Variants in FBXO25 observed in about 807,000 individuals in gnomAD.
The protein encoded by FBXO25 is F-box protein 25, also known as F-box only protein 25.
FBXO25 carries 45 observed loss-of-function variants against 51.9 expected under a neutral mutation model. That is an observed-to-expected ratio of 0.87 (90% CI 0.68 to 1.11). The LOEUF is 1.11. Ranked by LOEUF, FBXO25 falls within the 50% of genes most tolerant of loss-of-function variation. The pLI is 0.00. For missense variants in FBXO25, 507 were observed against 428.5 expected, an observed-to-expected ratio of 1.18 and a Z score of -1.62; for synonymous variants, 199 against 151.0, an observed-to-expected ratio of 1.32 and a Z score of -2.33.
In FBXO25 at chr8:468,729, C is replaced by T; in HGVS notation, c.1002C>T (p.Pro334=). 6.2e-7 allele frequency: 1 copy of T among 1,614,020 alleles called. No homozygotes were observed. The highest frequency in any genetic ancestry group is 8.5e-7 in the Non-Finnish European group (1 of 1,179,988). ...CCTCCCCACAGGACTCAGGACACCC[C>T]TGCACGGCGGCCGACCCTGACAGCT... The part of the protein sequence containing the change: ...SILFWKDSGH[P]CTAADPDSCF... Residue 334 remains proline, a synonymous_variant, in exon 10 of 10, where the codon CCC becomes CCT. Transcript: ENST00000350302.
At chr8:438,858 C>A (rs1281944579) in intron 5 of FBXO25, among the ~76,000 whole-genome samples, 1 of 152,200 alleles carries the variant, frequency 6.6e-6, no homozygotes, top group East Asian at 1.9e-4. Context: ...CCCATCATGT[C>A]AGCAGCATTC....
At chr8:448,852 CTAAGA>C (rs1257088599) in intron 5 of FBXO25, among the ~76,000 whole-genome samples, 1 of 152,130 alleles carries the variant, frequency 6.6e-6, no homozygotes, top group Non-Finnish European at 1.5e-5. Context: ...AACTAACAGG[CTAAGA>C]TGTGTTGTAT....
intron 1 of FBXO25, among the ~76,000 whole-genome samples, chr8:409,113 T>C (rs1375257105): frequency 6.6e-6 from 1 of 152,186 alleles, no homozygotes; most frequent in Non-Finnish European, 1.5e-5. Flanking sequence ...AAGCCTCAGT[T>C]TGGGAGTATT....
chr8:407,646 C>G (rs1364936504), intron 1 of FBXO25, among the ~76,000 whole-genome samples: 2 of 152,126 alleles, frequency 1.3e-5, no homozygotes, highest in Non-Finnish European at 2.9e-5. Flanking sequence ...GGCGTTTGCC[C>G]TCCGGGCTCG....
At chr8:449,267 C>T (rs1798928066) in intron 5 of FBXO25, among the ~76,000 whole-genome samples, 1 of 152,204 alleles carries the variant, frequency 6.6e-6, no homozygotes, top group Non-Finnish European at 1.5e-5. Context: ...CTTTTTCCTG[C>T]CATGATGCAC....
rs576036928 is a variant in FBXO25 at position 461,000 on chromosome 8, G to T, written c.844-2007G>T. Among the ~76,000 whole-genome samples the T allele has an allele frequency of 2.0e-5, 3 of 152,306 alleles. No individual in the cohort carries two copies. The East Asian group carries it at 5.8e-4, about 29-fold the overall frequency. ...TGCTCATTGCAGCAACAGCCATAAA[G>T]ACTAGTACAGTGTTGTACAAACAAG... On this transcript the variant is annotated intron_variant, in intron 8 of 9. Transcript: ENST00000350302.
intron 2 of FBXO25, among the ~76,000 whole-genome samples, chr8:429,073 GATC>G (rs1360624006): frequency 6.6e-6 from 1 of 152,094 alleles, no homozygotes; most frequent in Non-Finnish European, 1.5e-5. Context: ...GGAATTGTTG[GATC>G]ATATGGTAAT....
chr8:415,126 G>A lies in FBXO25; in HGVS notation c.134+1913G>A, dbSNP rs576568696. Among the ~76,000 whole-genome samples the A allele has an allele frequency of 2.0e-5, 3 of 152,264 alleles. No homozygotes were observed. The East Asian group carries it at 5.8e-4, about 29-fold the overall frequency. On this transcript the variant is annotated intron_variant, in intron 2 of 9. Coordinates refer to ENST00000350302, the MANE Select transcript of FBXO25 (RefSeq NM_183420.2). ...TTCTCTTTCCCCCACATGTCTTTGA[G>A]AAACATAGTACTCCTAATTCTTTGA...
At chr8:418,090 G>A (rs1796918466) in intron 2 of FBXO25, among the ~76,000 whole-genome samples, 1 of 152,052 alleles carries the variant, frequency 6.6e-6, no homozygotes, top group Admixed American at 6.5e-5. Flanking sequence ...ACAAGGGGAG[G>A]GTTTCATCAT....
chr8:465,195 C>T (rs944077077), intron 9 of FBXO25, among the ~76,000 whole-genome samples: 3 of 116,236 alleles, frequency 2.6e-5, no homozygotes, highest in Non-Finnish European at 4.2e-5. Context: ...GGGAACAGGG[C>T]CCCCCTTCTG....
chr8:408,849 G>A (rs190528400), intron 1 of FBXO25, among the ~76,000 whole-genome samples: 262 of 152,202 alleles, frequency 1.7e-3, no homozygotes, highest in African/African-American at 6.1e-3. Context: ...CATAAAATGT[G>A]CTTAAAATTT....
Position 414,595 on chromosome 8 carries a change from G to C in FBXO25, c.134+1382G>C, listed in dbSNP as rs1223492261. Among the ~76,000 whole-genome samples the C allele has an allele frequency of 8.5e-5, 13 of 152,220 alleles. 1 individual carries two copies. Among genetic ancestry groups the C allele is most frequent in the African/African-American group, 1.9e-4 (8 of 41,526 alleles). On this transcript the variant is annotated intron_variant, in intron 2 of 9. Transcript: ENST00000350302. Reference sequence around the variant, plus strand: ...TCTCAAACACATTTTAAATGTCTGAGAATTGTTTTTTTTTCCGCTGCACAC... The same window carrying C: ...TCTCAAACACATTTTAAATGTCTGACAATTGTTTTTTTTTCCGCTGCACAC...
chr8:466,317 C>T (rs1800157685), intron 9 of FBXO25, among the ~76,000 whole-genome samples: 5 of 152,182 alleles, frequency 3.3e-5, no homozygotes, highest in South Asian at 2.1e-4. Flanking sequence ...GACCTGCCTC[C>T]GGGGTCTCCT....
intron 2 of FBXO25, among the ~76,000 whole-genome samples, chr8:429,546 A>G (rs1187825372): frequency 3.9e-5 from 6 of 152,232 alleles, no homozygotes; most frequent in Non-Finnish European, 8.8e-5. Context: ...TATAAATTAA[A>G]TACTCCTTTA....
Position 415,218 on chromosome 8 carries a change from T to A in FBXO25, c.134+2005T>A, listed in dbSNP as rs543881512. Among the ~76,000 whole-genome samples the A allele has an allele frequency of 7.5e-4, 115 of 152,324 alleles. 1 individual carries two copies. Among genetic ancestry groups the A allele is most frequent in the African/African-American group, 2.7e-3 (113 of 41,560 alleles). ...AAAATAATTTAGGTAATCAAGATTC[T>A]ACGTAACTTTGTTAATTTTCTTTTT... On this transcript the variant is annotated intron_variant, in intron 2 of 9. Coordinates refer to ENST00000350302, the MANE Select transcript of FBXO25 (RefSeq NM_183420.2).
chr8:417,554 T>G (rs1311460217), intron 2 of FBXO25, among the ~76,000 whole-genome samples: 1 of 152,198 alleles, frequency 6.6e-6, no homozygotes, highest in African/African-American at 2.4e-5. Context: ...TTAACTGATA[T>G]AACATCTAAA....
At chr8:413,647 G>A (rs538278771) in intron 2 of FBXO25, among the ~76,000 whole-genome samples, 1 of 152,268 alleles carries the variant, frequency 6.6e-6, no homozygotes, top group South Asian at 2.1e-4. Context: ...AGTCTGTCTT[G>A]TCGCTCTGCC....
chr8:407,708 C>G (rs1044771630), intron 1 of FBXO25, among the ~76,000 whole-genome samples: 26 of 152,134 alleles, frequency 1.7e-4, no homozygotes, highest in Non-Finnish European at 3.1e-4. Context: ...CCTCATTCCT[C>G]CAGGCCACTC....
intron 8 of FBXO25, 134 bp from the exon 9 acceptor site, chr8:462,873 C>T (rs1799905202): frequency 3.6e-5 from 38 of 1,043,758 alleles, no homozygotes; most frequent in Non-Finnish European, 4.8e-5. Flanking sequence ...AACCAAAACC[C>T]ACTTGTAACC....
Sources: gnomAD v4.1 joint callset for allele counts (sites outside exome capture counted in the v4.1 genomes callset) on GRCh38, gnomAD v4.1.1 for gene constraint, MANE v1.5 for transcripts, NCBI Gene and HGNC (gene_info 2026-07-23, HGNC 2026-07-21) for gene names.